Variants in NKAIN3 observed in about 807,000 individuals in gnomAD.
NKAIN3 encodes the protein sodium/potassium transporting ATPase interacting 3, also known as sodium/potassium-transporting ATPase subunit beta-1-interacting protein 3.
In NKAIN3, 25 loss-of-function variants were observed where a neutral mutation model predicts 30.2. The ratio of observed to expected loss-of-function variants is 0.83; its 90% CI spans 0.60 to 1.16. The LOEUF (loss-of-function observed/expected upper bound fraction) is 1.16, where lower values mean the gene tolerates loss of function less well. Among genes scored for constraint, NKAIN3 ranks in the 50% most tolerant of loss-of-function variants. The probability of loss-of-function intolerance (pLI) is 0.00; values close to 1 mark genes in which losing one functional copy is unlikely to be tolerated. For missense variants in NKAIN3, 225 were observed against 254.1 expected (o/e 0.89, Z 0.78); for synonymous variants, 91 against 89.6 (o/e 1.02, Z -0.09).
At chr8:62,418,791 C>T (rs79584459) in intron 1 of NKAIN3, among the ~76,000 whole-genome samples, 4,759 of 152,194 alleles carry the variant, frequency 0.031, 284 homozygotes, top group African/African-American at 0.11. Context: ...AAGCAGCAAC[C>T]CTGACTCTTT....
At chr8:62,577,466 G>GT (rs5891863) in intron 1 of NKAIN3, among the ~76,000 whole-genome samples, 65,418 of 118,280 alleles carry the variant, frequency 0.55, 16,837 homozygotes, top group Non-Finnish European at 0.64. Context: ...TTTTTTTGTT[G>GT]TTTTTTTTTT....
intron 4 of NKAIN3, among the ~76,000 whole-genome samples, chr8:62,889,804 T>G (rs1373771576): frequency 6.6e-6 from 1 of 152,046 alleles, no homozygotes; most frequent in Non-Finnish European, 1.5e-5. Context: ...AGAGGAGAAT[T>G]TGGTGAGCAA....
intron 1 of NKAIN3, among the ~76,000 whole-genome samples, chr8:62,291,660 T>C (rs564931351): frequency 4.6e-5 from 7 of 152,228 alleles, no homozygotes; most frequent in Non-Finnish European, 8.8e-5. Flanking sequence ...CTTCGAACTA[T>C]GTGGTCAATT....
At chr8:62,370,222 A>G (rs936488172) in intron 1 of NKAIN3, among the ~76,000 whole-genome samples, 1 of 152,044 alleles carries the variant, frequency 6.6e-6, no homozygotes, top group Admixed American at 6.6e-5. Flanking sequence ...TGAAGAAAAA[A>G]ATAATAACTT....
At chr8:62,956,876 T>G (rs1423492248) in intron 6 of NKAIN3, among the ~76,000 whole-genome samples, 1 of 152,138 alleles carries the variant, frequency 6.6e-6, no homozygotes, top group Non-Finnish European at 1.5e-5. Context: ...CCAAGGAAAT[T>G]TTATGCGGGA....
intron 1 of NKAIN3, among the ~76,000 whole-genome samples, chr8:62,520,733 C>G (rs1319031753): frequency 6.6e-6 from 1 of 152,004 alleles, no homozygotes; most frequent in Non-Finnish European, 1.5e-5. Flanking sequence ...TTCGAGTATA[C>G]AGGTGGCTAG....
downstream of NKAIN3, among the ~76,000 whole-genome samples, chr8:62,986,755 A>G (rs190207265): frequency 1.1e-4 from 16 of 152,148 alleles, no homozygotes; most frequent in Non-Finnish European, 1.6e-4. Flanking sequence ...CCATCCCCCA[A>G]AACTCTGCTT....
chr8:62,839,887 G>A (rs1819478933), intron 4 of NKAIN3, among the ~76,000 whole-genome samples: 1 of 152,024 alleles, frequency 6.6e-6, no homozygotes, highest in Non-Finnish European at 1.5e-5. Context: ...TGCTGAAATT[G>A]CAGGCATGAA....
intron 1 of NKAIN3, among the ~76,000 whole-genome samples, chr8:62,404,251 A>C (rs1409526399): frequency 6.6e-6 from 1 of 152,064 alleles, no homozygotes; most frequent in Non-Finnish European, 1.5e-5. Flanking sequence ...TTGGACTTTG[A>C]CTTTTGAGTT....
At chr8:62,728,679 AC>A (rs1204117221) in intron 3 of NKAIN3, among the ~76,000 whole-genome samples, 1 of 149,746 alleles carries the variant, frequency 6.7e-6, no homozygotes, top group Non-Finnish European at 1.5e-5. Context: ...AAACAAAAAA[AC>A]AAAACAAAAC....
chr8:62,608,980 G>A (rs1811206701), intron 3 of NKAIN3, among the ~76,000 whole-genome samples: 1 of 152,132 alleles, frequency 6.6e-6, no homozygotes, highest in Non-Finnish European at 1.5e-5. Flanking sequence ...AATTGTGGCA[G>A]CATAACAGAA....
At chr8:62,943,336 G>A (rs1823022799) in intron 5 of NKAIN3, among the ~76,000 whole-genome samples, 2 of 152,080 alleles carry the variant, frequency 1.3e-5, no homozygotes, top group Non-Finnish European at 2.9e-5. Context: ...AAACTACAAT[G>A]TGATACCACC....
At chr8:62,370,177 AT>A (rs1234335581) in intron 1 of NKAIN3, among the ~76,000 whole-genome samples, 2 of 152,040 alleles carry the variant, frequency 1.3e-5, no homozygotes, top group South Asian at 4.1e-4. Context: ...CAGCATTGAA[AT>A]TGCTGTATCT....
chr8:62,848,846 T>C (rs2130770128), intron 4 of NKAIN3, among the ~76,000 whole-genome samples: 1 of 152,306 alleles, frequency 6.6e-6, no homozygotes, highest in Non-Finnish European at 1.5e-5. Context: ...CTTCAATATC[T>C]AGTTTATTGA....
intron 3 of NKAIN3, among the ~76,000 whole-genome samples, chr8:62,608,783 G>A (rs887796550): frequency 1.3e-5 from 2 of 151,976 alleles, no homozygotes; most frequent in Non-Finnish European, 2.9e-5. Flanking sequence ...GGCTTTGGGG[G>A]GATCTAATCA....
At chr8:62,936,468 C>G (rs929875754) in intron 5 of NKAIN3, among the ~76,000 whole-genome samples, 1 of 152,060 alleles carries the variant, frequency 6.6e-6, no homozygotes, top group Non-Finnish European at 1.5e-5. Context: ...CATAATCTCA[C>G]AAATGTCTAT....
At position 62,324,650 on chromosome 8, in the gene NKAIN3, C is replaced by T. The variant is rs142653723; in HGVS notation, c.54+75523C>T. On this transcript the variant is annotated intron_variant, in intron 1 of 6. Transcript: ENST00000623646. The stretch of plus-strand genomic sequence containing the variant: ...TCTTTTGAAATTCCCTTAAGTTAAA[C>T]AAAAATTGCCAGGAAAAGCAGAAAG... Among the ~76,000 whole-genome samples, 1,368 of 152,078 alleles carry T rather than the reference C, an allele frequency of 9.0e-3. 29 individuals are homozygous for T. The highest frequency in any genetic ancestry group is 0.031 in the African/African-American group (1,292 of 41,516).
rs533833352 is a variant in NKAIN3, at chr8:62,979,960, T to C, written c.*14553T>C. On this transcript the variant is annotated 3_prime_UTR_variant, in exon 7 of 7. Coordinates refer to ENST00000623646, the MANE Select transcript of NKAIN3 (RefSeq NM_001304533.3). ...CAGAAAGCCACCTTCCAGTGGGTCTTTGCCTAGCTTTTGTCTTGTCTTTGC... is the reference window on the plus strand; with the variant it reads ...CAGAAAGCCACCTTCCAGTGGGTCTCTGCCTAGCTTTTGTCTTGTCTTTGC... 4 of 152,220 alleles carry C rather than the reference T, an allele frequency of 2.6e-5. No homozygotes were observed. Among genetic ancestry groups the C allele is most frequent in the Admixed American group, 2.6e-4 (4 of 15,296 alleles). The allele number at this position is 152,220 out of a possible 1,614,324, so 9.4% of individuals were successfully genotyped here. A position where few individuals can be genotyped will look rare whatever the true frequency, so the allele number is the denominator to read the frequency against.
rs7823118 is a variant in NKAIN3 at position 62,583,339 on chromosome 8, T to A, written c.192+3663T>A. Among the ~76,000 whole-genome samples the A allele has an allele frequency of 5.1e-3, 775 of 152,248 alleles. 10 individuals carry two copies. Among genetic ancestry groups the A allele is most frequent in the African/African-American group, 0.017 (725 of 41,546 alleles). On this transcript the variant is annotated intron_variant, in intron 2 of 6. Transcript: ENST00000623646. Reference sequence around the variant, plus strand: ...CTTTCAGAATCTTCAAAGAAAAGCATCAACAAGACCAACAATCCATGTTTT... The same window carrying A: ...CTTTCAGAATCTTCAAAGAAAAGCAACAACAAGACCAACAATCCATGTTTT...
Sources: allele counts gnomAD v4.1 joint callset (sites outside exome capture counted in the v4.1 genomes callset), GRCh38; gene constraint gnomAD v4.1.1; transcripts MANE v1.5; gene names NCBI Gene and HGNC (gene_info 2026-07-23, HGNC 2026-07-21).